The following SYNPR variants were observed in gnomAD, a reference collection of about 807,000 sequenced individuals.
SYNPR encodes the protein synaptoporin.
In SYNPR, 23 loss-of-function variants were observed where a neutral mutation model predicts 32.9. That is an observed-to-expected ratio of 0.70 (90% CI 0.50 to 0.99). The LOEUF (loss-of-function observed/expected upper bound fraction) is 0.99, where lower values mean the gene tolerates loss of function less well. Among genes scored for constraint, SYNPR ranks in the 50% least tolerant of loss-of-function variants. The probability of loss-of-function intolerance (pLI) is 0.00; values close to 1 mark genes in which losing one functional copy is unlikely to be tolerated. For missense variants in SYNPR, 318 were observed against 349.3 expected, an observed-to-expected ratio of 0.91 and a Z score of 0.71; for synonymous variants, 146 against 135.9, an observed-to-expected ratio of 1.07 and a Z score of -0.52.
chr3:63,294,128 TTAAC>T (rs1421126640), intron 2 of SYNPR, among the ~76,000 whole-genome samples: 1 of 152,236 alleles, frequency 6.6e-6, no homozygotes, highest in Non-Finnish European at 1.5e-5. Flanking sequence ...TGGAGATTAT[TTAAC>T]TAATTCCTAA....
intron 4 of SYNPR, among the ~76,000 whole-genome samples, chr3:63,602,175 C>T (rs1296991919): frequency 6.6e-6 from 1 of 152,068 alleles, no homozygotes; most frequent in Non-Finnish European, 1.5e-5. Context: ...GTCCTTTGCC[C>T]ACTTTTTAAC....
At chr3:63,444,020 T>C (rs1397245160) in intron 2 of SYNPR, among the ~76,000 whole-genome samples, 1 of 152,204 alleles carries the variant, frequency 6.6e-6, no homozygotes, top group East Asian at 1.9e-4. Flanking sequence ...GGACTGAATT[T>C]AGAAAAAGTA....
intron 4 of SYNPR, among the ~76,000 whole-genome samples, chr3:63,580,872 G>T (rs1448217629): frequency 1.3e-5 from 2 of 152,130 alleles, no homozygotes; most frequent in Non-Finnish European, 2.9e-5. Flanking sequence ...CATATGTCAG[G>T]CATATAATGA....
chr3:63,302,010 C>A (rs1315229490), intron 2 of SYNPR, among the ~76,000 whole-genome samples: 3 of 151,988 alleles, frequency 2.0e-5, no homozygotes, highest in Admixed American at 6.6e-5. Context: ...GGTAGGCACC[C>A]AAATATTTCC....
At chr3:63,359,297 G>A (rs141294738) in intron 2 of SYNPR, among the ~76,000 whole-genome samples, 1 of 152,140 alleles carries the variant, frequency 6.6e-6, no homozygotes, top group Non-Finnish European at 1.5e-5. Flanking sequence ...TTACCTGCAT[G>A]AGAGAATTTG....
chr3:63,524,725 C>T (rs1369386369), intron 3 of SYNPR, among the ~76,000 whole-genome samples: 7 of 152,038 alleles, frequency 4.6e-5, no homozygotes, highest in Non-Finnish European at 1.0e-4. Flanking sequence ...AGAAGTTTCT[C>T]CTTAAGAAAA....
chr3:63,250,271 CCAGT>C (rs34567398), intron 1 of SYNPR, among the ~76,000 whole-genome samples: 90 of 151,942 alleles, frequency 5.9e-4, no homozygotes, highest in African/African-American at 2.1e-3. Flanking sequence ...TATCAAAATA[CCAGT>C]CAGTATCTCA....
At chr3:63,476,111 G>GAGGAAGGA (rs765639648) in intron 2 of SYNPR, among the ~76,000 whole-genome samples, 14 of 67,768 alleles carry the variant, frequency 2.1e-4, no homozygotes, top group African/African-American at 3.7e-4. Flanking sequence ...AGGGAGGGGG[G>GAGGAAGGA]AGGAAGGAAG....
chr3:63,594,891 C>T (rs1019440801), intron 4 of SYNPR, among the ~76,000 whole-genome samples: 12 of 152,098 alleles, frequency 7.9e-5, no homozygotes, highest in African/African-American at 2.9e-4. Context: ...AAAATATAGG[C>T]AGCCTGGTCT....
intron 2 of SYNPR, among the ~76,000 whole-genome samples, chr3:63,461,698 G>C (rs1700586736): frequency 6.6e-6 from 1 of 151,726 alleles, no homozygotes; most frequent in South Asian, 2.1e-4. Context: ...CTCTGGATTT[G>C]GCTAAGAACT....
intron 2 of SYNPR, among the ~76,000 whole-genome samples, chr3:63,312,513 C>T (rs1446431524): frequency 6.6e-6 from 1 of 151,890 alleles, no homozygotes; most frequent in African/African-American, 2.4e-5. Flanking sequence ...TCCATCTTCC[C>T]CTTCTGTCAG....
intron 5 of SYNPR, among the ~76,000 whole-genome samples, 194 bp from the exon 6 acceptor site, chr3:63,615,030 T>A (rs551060861): frequency 2.0e-4 from 30 of 152,338 alleles, no homozygotes; most frequent in African/African-American, 7.0e-4. Flanking sequence ...CTTTATGTAG[T>A]GCCTGACATG....
intron 4 of SYNPR, among the ~76,000 whole-genome samples, chr3:63,586,569 C>T (rs540312258): frequency 3.3e-5 from 5 of 151,618 alleles, no homozygotes; most frequent in Non-Finnish European, 5.9e-5. Context: ...ATTTAAGAAA[C>T]ATGCCGATAT....
intron 2 of SYNPR, among the ~76,000 whole-genome samples, chr3:63,422,142 C>T (rs1699811207): frequency 1.3e-5 from 2 of 152,164 alleles, no homozygotes; most frequent in South Asian, 4.1e-4. Flanking sequence ...AGGGTTTGTA[C>T]ACCAAGGGGT....
the SYNPR span, among the ~76,000 whole-genome samples, chr3:63,205,894 G>C: frequency 2.0e-5 from 3 of 152,198 alleles, no homozygotes; most frequent in African/African-American, 4.8e-5. Flanking sequence ...AATCCCCAGA[G>C]CATGTTAAAT....
At chr3:63,265,157 T>C (rs1482896937) in intron 2 of SYNPR, among the ~76,000 whole-genome samples, 4 of 151,936 alleles carry the variant, frequency 2.6e-5, no homozygotes, top group African/African-American at 9.7e-5. Context: ...AAAGAAGATA[T>C]ATGAGTCTTT....
chr3:63,409,962 G>A (rs927014288), intron 2 of SYNPR, among the ~76,000 whole-genome samples: 3 of 152,120 alleles, frequency 2.0e-5, no homozygotes, highest in African/African-American at 7.2e-5. Flanking sequence ...CCAGAGAGTA[G>A]AAACTCCATT....
intron 2 of SYNPR, among the ~76,000 whole-genome samples, chr3:63,467,847 T>C (rs1700713525): frequency 6.6e-6 from 1 of 152,122 alleles, no homozygotes; most frequent in Admixed American, 6.6e-5. Flanking sequence ...TGGAGAGAGA[T>C]GATTTGATGA....
intron 2 of SYNPR, among the ~76,000 whole-genome samples, chr3:63,394,942 G>T (rs946181936): frequency 1.2e-4 from 19 of 152,090 alleles, no homozygotes; most frequent in Admixed American, 7.2e-4. Context: ...GAAATCTTCA[G>T]TATAAACAGA....
Sources: gnomAD v4.1 joint callset for allele counts (sites outside exome capture counted in the v4.1 genomes callset) on GRCh38, gnomAD v4.1.1 for gene constraint, MANE v1.5 for transcripts, NCBI Gene and HGNC (gene_info 2026-07-23, HGNC 2026-07-21) for gene names.